Variants in ZFP64 observed in about 807,000 individuals in gnomAD.
The protein encoded by ZFP64 is ZFP64 zinc finger protein.
In ZFP64, 14 loss-of-function variants were observed where a neutral mutation model predicts 51.6. The ratio of observed to expected loss-of-function variants is 0.27; its 90% CI spans 0.18 to 0.42. ZFP64 has a LOEUF of 0.42. Ranked by LOEUF, ZFP64 falls within the 10% of genes least tolerant of loss-of-function variation. The probability of loss-of-function intolerance (pLI) is 1.00; values close to 1 mark genes in which losing one functional copy is unlikely to be tolerated. For missense variants in ZFP64, 754 were observed against 906.8 expected (o/e 0.83, Z 2.16); for synonymous variants, 375 against 361.4 (o/e 1.04, Z -0.43).
intron 5 of ZFP64, chr20:52,110,747 G>C (rs577679002): frequency 6.3e-7 from 1 of 1,597,912 alleles, no homozygotes; most frequent in African/African-American, 1.3e-5. Context: ...CATGGGACTG[G>C]GTTCTCAAAG....
At chr20:52,127,232 G>A (rs1436141745) in intron 5 of ZFP64, among the ~76,000 whole-genome samples, 1 of 151,862 alleles carries the variant, frequency 6.6e-6, no homozygotes, top group African/African-American at 2.4e-5. Context: ...TTACAGTTGT[G>A]AGCCACCACG....
At chr20:52,093,496 T>C (rs545772137) in intron 7 of ZFP64, among the ~76,000 whole-genome samples, 29 of 152,314 alleles carry the variant, frequency 1.9e-4, no homozygotes, top group Non-Finnish European at 3.5e-4. Context: ...TAAGATCTTA[T>C]ATGGGAAATG....
chr20:52,090,902 C>T (rs2078918041), intron 7 of ZFP64, among the ~76,000 whole-genome samples: 1 of 109,370 alleles, frequency 9.1e-6, no homozygotes. Flanking sequence ...CCAGCCTGGG[C>T]AACACAGTGA....
At chr20:52,094,724 G>A (rs868338507) in intron 7 of ZFP64, among the ~76,000 whole-genome samples, 7 of 151,658 alleles carry the variant, frequency 4.6e-5, no homozygotes, top group African/African-American at 1.5e-4. Context: ...CAGAGCAAGA[G>A]AAGACCCTGT....
intron 5 of ZFP64, among the ~76,000 whole-genome samples, chr20:52,141,947 CAG>C (rs958857799): frequency 3.3e-5 from 5 of 152,154 alleles, no homozygotes; most frequent in Non-Finnish European, 7.3e-5. Context: ...AACTCAGAAA[CAG>C]AGAGTCAAAC....
chr20:52,086,510 C>G (rs1001011815), intron 8 of ZFP64, among the ~76,000 whole-genome samples: 3 of 147,768 alleles, frequency 2.0e-5, no homozygotes, highest in African/African-American at 7.6e-5. Flanking sequence ...CAGAGTCTCA[C>G]TCTGTCGCCC....
chr20:52,184,472 G>A (rs761346107), intron 2 of ZFP64, among the ~76,000 whole-genome samples: 1 of 151,844 alleles, frequency 6.6e-6, no homozygotes, highest in Non-Finnish European at 1.5e-5. Flanking sequence ...AAACTTCCCT[G>A]GAATATAAGA....
At chr20:52,181,949 G>A (rs1344461025) in intron 2 of ZFP64, among the ~76,000 whole-genome samples, 1 of 152,170 alleles carries the variant, frequency 6.6e-6, no homozygotes, top group East Asian at 1.9e-4. Flanking sequence ...ACAGAGGCAG[G>A]AACCATCAGG....
At chr20:52,165,534 T>G in intron 3 of ZFP64, 1 of 509,998 alleles carries the variant, frequency 2.0e-6, no homozygotes. Context: ...TATTTCTGAA[T>G]AAATTAAAAC....
chr20:52,146,667 C>T (rs990852229), downstream of ZFP64, among the ~76,000 whole-genome samples: 1 of 152,006 alleles, frequency 6.6e-6, no homozygotes, highest in Non-Finnish European at 1.5e-5. Context: ...CAGCATGGCA[C>T]GTGTATACAT....
At chr20:52,144,580 A>AAAAAAAAAAAAAAAAAAAT (rs1980425358) in intron 5 of ZFP64, among the ~76,000 whole-genome samples, 1 of 137,250 alleles carries the variant, frequency 7.3e-6, no homozygotes, top group Non-Finnish European at 1.5e-5. Context: ...CTCCGTCTCA[A>AAAAAAAAAAAAAAAAAAAT]AAAAAAAAAA....
At chr20:52,096,821 A>G (rs1600696966) in intron 7 of ZFP64, 1 of 256,678 alleles carries the variant, frequency 3.9e-6, no homozygotes, top group East Asian at 8.5e-5. Flanking sequence ...CCTGGGAGGC[A>G]GGGGTCGCAA....
chr20:52,144,868 G>C (rs1433863437), intron 5 of ZFP64, among the ~76,000 whole-genome samples: 1 of 152,056 alleles, frequency 6.6e-6, no homozygotes, highest in African/African-American at 2.4e-5. Context: ...ATTTAGAGCA[G>C]AGTAAATGAT....
chr20:52,188,022 G>A (rs1984097680), intron 1 of ZFP64, among the ~76,000 whole-genome samples: 1 of 152,120 alleles, frequency 6.6e-6, no homozygotes, highest in South Asian at 2.1e-4. Context: ...GAGTTTCTGG[G>A]AAAAGTTTGG....
chr20:52,186,693 T>C (rs1983989229), intron 2 of ZFP64, 139 bp downstream of exon 2: 2 of 1,234,938 alleles, frequency 1.6e-6, no homozygotes, highest in Non-Finnish European at 2.2e-6. Context: ...GCTGGCTTCC[T>C]GGTGGAGCTT....
intron 6 of ZFP64, chr20:52,097,452 GAT>G (rs1491209333): frequency 6.6e-7 from 1 of 1,521,402 alleles, no homozygotes; most frequent in Non-Finnish European, 8.8e-7. Flanking sequence ...AAGAAAAATA[GAT>G]TTTTTTTTTT....
At chr20:52,176,565 A>C (rs1306203821) in intron 2 of ZFP64, among the ~76,000 whole-genome samples, 2 of 147,770 alleles carry the variant, frequency 1.4e-5, no homozygotes, top group Non-Finnish European at 3.0e-5. Flanking sequence ...TGCGGACTGC[A>C]GTGGCGCAAT....
At chr20:52,130,794 G>A (rs1036763377) in intron 5 of ZFP64, among the ~76,000 whole-genome samples, 30 of 151,940 alleles carry the variant, frequency 2.0e-4, no homozygotes, top group African/African-American at 6.5e-4. Context: ...ACAGATTCTC[G>A]GCCCAGTGTG....
chr20:52,096,937 T>TA, intron 7 of ZFP64: 1 of 436,110 alleles, frequency 2.3e-6, no homozygotes, highest in Non-Finnish European at 4.6e-6. Flanking sequence ...TTGTGCACCC[T>TA]ACAGTCCCTG....
Sources: gnomAD v4.1 joint callset for allele counts (sites outside exome capture counted in the v4.1 genomes callset) on GRCh38, gnomAD v4.1.1 for gene constraint, MANE v1.5 for transcripts, NCBI Gene and HGNC (gene_info 2026-07-23, HGNC 2026-07-21) for gene names.